BARX2: variants seen among roughly 807,000 people sequenced by gnomAD.
BARX2 encodes BARX homeobox 2, also known as homeobox protein BarH-like 2.
Under a neutral mutation model 25.5 loss-of-function variants are expected in BARX2, and 11 were observed. The observed-to-expected ratio is 0.43, with a 90% confidence interval of 0.27 to 0.71. The LOEUF (loss-of-function observed/expected upper bound fraction) is 0.71, where lower values mean the gene tolerates loss of function less well. Ranked by LOEUF, BARX2 falls within the 30% of genes least tolerant of loss-of-function variation. The probability of loss-of-function intolerance (pLI) is 0.19; values close to 1 mark genes in which losing one functional copy is unlikely to be tolerated. For missense variants in BARX2, 360 were observed against 359.9 expected, an observed-to-expected ratio of 1.00 and a Z score of 0.00; for synonymous variants, 137 against 149.5, an observed-to-expected ratio of 0.92 and a Z score of 0.61.
intron 1 of BARX2, among the ~76,000 whole-genome samples, chr11:129,412,045 G>A (rs1481223656): frequency 6.6e-6 from 1 of 152,158 alleles, no homozygotes; most frequent in East Asian, 1.9e-4. Flanking sequence ...GGCCGAGGCA[G>A]GCAGATCACA....
chr11:129,429,197 T>A (rs948312948), intron 1 of BARX2, among the ~76,000 whole-genome samples: 2 of 152,188 alleles, frequency 1.3e-5, no homozygotes, highest in Non-Finnish European at 2.9e-5. Flanking sequence ...AAGTTTTTAA[T>A]GGGACTTGCT....
chr11:129,382,385 G>T (rs1437216710), intron 1 of BARX2, among the ~76,000 whole-genome samples: 2 of 152,122 alleles, frequency 1.3e-5, no homozygotes, highest in Non-Finnish European at 2.9e-5. Flanking sequence ...CACCATGTTG[G>T]ACAGGCTGGT....
intron 1 of BARX2, among the ~76,000 whole-genome samples, chr11:129,426,004 CTTTT>C (rs368509688): frequency 1.5e-5 from 2 of 132,622 alleles, no homozygotes; most frequent in Non-Finnish European, 1.6e-5. Flanking sequence ...GCCCTTCCTC[CTTTT>C]TTTTTTTTTT....
chr11:129,430,336 T>A (rs60059575), intron 1 of BARX2, among the ~76,000 whole-genome samples: 19,692 of 152,174 alleles, frequency 0.13, 1,372 homozygotes, highest in Middle Eastern at 0.17. Flanking sequence ...TGTAACTATA[T>A]GTTTCAATAG....
chr11:129,413,615 G>A (rs771345601), intron 1 of BARX2, among the ~76,000 whole-genome samples: 7 of 152,202 alleles, frequency 4.6e-5, no homozygotes, highest in East Asian at 1.9e-4. Context: ...CGTAAAGGCC[G>A]GAGATAGGGG....
At chr11:129,418,689 T>C (rs1419058932) in intron 1 of BARX2, among the ~76,000 whole-genome samples, 1 of 152,206 alleles carries the variant, frequency 6.6e-6, no homozygotes, top group Admixed American at 6.5e-5. Context: ...ATACTGCCTT[T>C]TTCTTTTGGG....
At chr11:129,375,761 G>A (rs2135379759), upstream of BARX2, among the ~76,000 whole-genome samples, 1 of 152,184 alleles carries the variant, frequency 6.6e-6, no homozygotes, top group East Asian at 1.9e-4. This position sits in a 1 kb window ranked among gnomAD's most constrained non-coding sequence, Gnocchi z 4.0. Context: ...ACGCCCCTCA[G>A]CACACACTCC....
chr11:129,444,428 G>A (rs77028773), intron 3 of BARX2, among the ~76,000 whole-genome samples: 1,977 of 152,292 alleles, frequency 0.013, 20 homozygotes, highest in Middle Eastern at 0.027. Flanking sequence ...CACGAATTAA[G>A]ACAGAGATGC....
chr11:129,404,804 T>G (rs932450798), intron 1 of BARX2, among the ~76,000 whole-genome samples: 5 of 152,210 alleles, frequency 3.3e-5, no homozygotes, highest in African/African-American at 1.2e-4. Flanking sequence ...GCATCAGTCT[T>G]GTTTTGATCT....
chr11:129,447,185 G>A (rs913567023), intron 3 of BARX2, among the ~76,000 whole-genome samples: 1 of 152,078 alleles, frequency 6.6e-6, no homozygotes, highest in African/African-American at 2.4e-5. Flanking sequence ...AAAAGTAGAG[G>A]GAAGGAGAGA....
At chr11:129,443,015 G>A (rs1862281720) in intron 3 of BARX2, 96 bp downstream of exon 3, 2 of 1,150,484 alleles carry the variant, frequency 1.7e-6, no homozygotes, top group East Asian at 4.8e-5. Context: ...GGCAGTTTGG[G>A]CTGCAGAGAT....
intron 1 of BARX2, among the ~76,000 whole-genome samples, chr11:129,430,276 A>G (rs1036290045): frequency 1.4e-5 from 2 of 142,802 alleles, no homozygotes; most frequent in Non-Finnish European, 3.1e-5. Flanking sequence ...GTTTTTGGCT[A>G]TCCATTCAGA....
At chr11:129,398,840 A>G (rs551340650) in intron 1 of BARX2, among the ~76,000 whole-genome samples, 1 of 152,280 alleles carries the variant, frequency 6.6e-6, no homozygotes, top group African/African-American at 2.4e-5. Flanking sequence ...GCTTAATAGA[A>G]CCTTAGGAGA....
chr11:129,380,150 AG>A (rs1299226223), intron 1 of BARX2, among the ~76,000 whole-genome samples: 2 of 152,038 alleles, frequency 1.3e-5, no homozygotes, highest in Non-Finnish European at 2.9e-5. Flanking sequence ...CTCAGAAATC[AG>A]GAAGACTTTT....
At chr11:129,398,000 C>CT (rs1861739266) in intron 1 of BARX2, among the ~76,000 whole-genome samples, 1 of 152,344 alleles carries the variant, frequency 6.6e-6, no homozygotes, top group African/African-American at 2.4e-5. Flanking sequence ...CAATCTTTAG[C>CT]TATCTAGTGC....
chr11:129,400,832 A>G (rs1180618664), intron 1 of BARX2, among the ~76,000 whole-genome samples: 1 of 152,194 alleles, frequency 6.6e-6, no homozygotes, highest in Non-Finnish European at 1.5e-5. Context: ...CCAGCATATA[A>G]TGGGCAGGAG....
At chr11:129,446,088 T>A (rs534118152) in intron 3 of BARX2, among the ~76,000 whole-genome samples, 1 of 151,890 alleles carries the variant, frequency 6.6e-6, no homozygotes, top group Admixed American at 6.6e-5. Flanking sequence ...CTATAGCGGG[T>A]TGGGTAAATT....
intron 1 of BARX2, among the ~76,000 whole-genome samples, chr11:129,415,914 C>T (rs1861938500): frequency 1.3e-5 from 2 of 152,218 alleles, no homozygotes; most frequent in Non-Finnish European, 2.9e-5. Context: ...ACACTTTTTC[C>T]TGAGGCTTCC....
chr11:129,443,068 A>C, intron 3 of BARX2, 149 bp downstream of exon 3: 2 of 659,610 alleles, frequency 3.0e-6, no homozygotes, highest in Non-Finnish European at 2.7e-6. Context: ...AAGCTGTTGG[A>C]TCTGTAGGTT....
Sources: gnomAD v4.1 joint callset for allele counts (sites outside exome capture counted in the v4.1 genomes callset) on GRCh38, gnomAD v4.1.1 for gene constraint, Gnocchi (gnomAD v3.1) non-coding constraint, MANE v1.5 for transcripts, NCBI Gene and HGNC (gene_info 2026-07-23, HGNC 2026-07-21) for gene names.